TEAD1: variants seen among roughly 807,000 people sequenced by gnomAD.
TEAD1 encodes the protein transcriptional enhancer factor TEF-1.
Under a neutral mutation model 54.9 loss-of-function variants are expected in TEAD1, and 9 were observed. That is an observed-to-expected ratio of 0.16 (90% CI 0.10 to 0.29). The LOEUF is 0.29. Ranked by LOEUF, TEAD1 falls within the 10% of genes least tolerant of loss-of-function variation. TEAD1 has a pLI of 1.00. For synonymous variants in TEAD1, 200 were observed against 187.8 expected (o/e 1.07, Z -0.53); for missense variants, 387 against 535.9 (o/e 0.72, Z 2.74).
intron 3 of TEAD1, among the ~76,000 whole-genome samples, chr11:12,814,907 C>A (rs1946385070): frequency 6.6e-6 from 1 of 151,406 alleles, no homozygotes; most frequent in South Asian, 2.1e-4. Flanking sequence ...GCGCACGCAC[C>A]CATCAGTGAA....
At chr11:12,817,410 T>G (rs1225228998) in intron 3 of TEAD1, among the ~76,000 whole-genome samples, 2 of 152,196 alleles carry the variant, frequency 1.3e-5, no homozygotes, top group Non-Finnish European at 1.5e-5. Flanking sequence ...AATTCCCAAC[T>G]TGTTGATCTG....
intron 4 of TEAD1, among the ~76,000 whole-genome samples, chr11:12,863,101 C>G (rs1364053190): frequency 3.3e-5 from 5 of 152,116 alleles, no homozygotes; most frequent in Non-Finnish European, 5.9e-5. Flanking sequence ...TCGATTTATG[C>G]TGAATGATAC....
chr11:12,697,125 C>A (rs559634998), intron 2 of TEAD1, among the ~76,000 whole-genome samples: 1 of 152,256 alleles, frequency 6.6e-6, no homozygotes, highest in Non-Finnish European at 1.5e-5. Context: ...CCAGGTGTGT[C>A]ATTAGACCTG....
At chr11:12,739,317 AT>A (rs1944604250) in intron 2 of TEAD1, among the ~76,000 whole-genome samples, 1 of 152,156 alleles carries the variant, frequency 6.6e-6, no homozygotes, top group Non-Finnish European at 1.5e-5. Flanking sequence ...TACCATCTTC[AT>A]TTTTAAGTGT....
chr11:12,887,160 G>A (rs1245902804), intron 9 of TEAD1, among the ~76,000 whole-genome samples: 4 of 147,730 alleles, frequency 2.7e-5, no homozygotes, highest in Admixed American at 2.7e-4. Context: ...GCGGTGGCGC[G>A]ATCTTGGCTC....
intron 3 of TEAD1, among the ~76,000 whole-genome samples, chr11:12,832,803 C>T (rs1026069617): frequency 3.9e-5 from 6 of 152,238 alleles, no homozygotes; most frequent in Admixed American, 2.0e-4. Flanking sequence ...GTTTCCATCT[C>T]GTTCAAACAC....
At chr11:12,676,568 T>C (rs1348267409) in intron 2 of TEAD1, among the ~76,000 whole-genome samples, 1 of 152,248 alleles carries the variant, frequency 6.6e-6, no homozygotes, top group South Asian at 2.1e-4. Flanking sequence ...TTACAAGGAC[T>C]AGACTTAAAT....
chr11:12,934,821 C>A (rs1261192702), intron 12 of TEAD1, among the ~76,000 whole-genome samples: 1 of 152,068 alleles, frequency 6.6e-6, no homozygotes, highest in African/African-American at 2.4e-5. Flanking sequence ...AAACCCAGCA[C>A]TTGTCACGTA....
At chr11:12,844,071 A>G (rs1947092234) in intron 3 of TEAD1, among the ~76,000 whole-genome samples, 1 of 152,234 alleles carries the variant, frequency 6.6e-6, no homozygotes, top group African/African-American at 2.4e-5. Context: ...GAATTTATAT[A>G]AACTGTAAAG....
chr11:12,861,307 G>A (rs1947496145), intron 3 of TEAD1, among the ~76,000 whole-genome samples: 1 of 152,172 alleles, frequency 6.6e-6, no homozygotes, highest in Non-Finnish European at 1.5e-5. Flanking sequence ...GTTTCCTGGT[G>A]GGATAGGGCT....
intron 3 of TEAD1, among the ~76,000 whole-genome samples, chr11:12,813,930 TG>T (rs1332572984): frequency 6.6e-6 from 1 of 152,096 alleles, no homozygotes; most frequent in Non-Finnish European, 1.5e-5. Context: ...AGCTCTCTCT[TG>T]GACATGGTTG....
intron 2 of TEAD1, among the ~76,000 whole-genome samples, chr11:12,743,004 G>C (rs1944676194): frequency 6.6e-6 from 1 of 152,216 alleles, no homozygotes; most frequent in South Asian, 2.1e-4. Flanking sequence ...GGGCTGGGCA[G>C]TGCTGTAATA....
At chr11:12,875,105 C>T (rs935165128) in intron 5 of TEAD1, among the ~76,000 whole-genome samples, 1 of 152,190 alleles carries the variant, frequency 6.6e-6, no homozygotes, top group African/African-American at 2.4e-5. Flanking sequence ...ACAATGTGCT[C>T]ACCTTTGTAA....
intron 5 of TEAD1, 178 bp downstream of exon 5, chr11:12,865,078 T>A: frequency 2.7e-6 from 2 of 736,750 alleles, no homozygotes; most frequent in South Asian, 3.0e-5. Context: ...CACATTAAAC[T>A]CAATGTGTGT....
intron 10 of TEAD1, among the ~76,000 whole-genome samples, chr11:12,907,738 A>G (rs776088448): frequency 2.6e-5 from 4 of 152,240 alleles, no homozygotes; most frequent in Non-Finnish European, 4.4e-5. Flanking sequence ...GATGAGTCCC[A>G]CTTCACACAT....
chr11:12,922,192 CTT>C (rs756723520), intron 10 of TEAD1, among the ~76,000 whole-genome samples: 3 of 94,500 alleles, frequency 3.2e-5, no homozygotes, highest in African/African-American at 8.6e-5. Flanking sequence ...ACATGGTTCT[CTT>C]TTTTTTTTTT....
At position 12,837,681 on chromosome 11, in the gene TEAD1, TTTCTCCC is replaced by T. The variant is rs145222171; in HGVS notation, c.203-24541_203-24535del. On this transcript the variant is annotated intron_variant, in intron 3 of 12. Transcript: ENST00000527636. Reference sequence around the variant, plus strand: ...TCTCCTTCTTCTTCCTTCTTCCTTCTTTCTCCCTTCTCCCTTCTCCCTTCTCCCTTCT... The same window carrying T: ...TCTCCTTCTTCTTCCTTCTTCCTTCTTTCTCCCTTCTCCCTTCTCCCTTCT... Among the ~76,000 whole-genome samples, 97 of 83,044 alleles carry T rather than the reference TTTCTCCC, an allele frequency of 1.2e-3. 1 individual carries two copies. The highest frequency in any genetic ancestry group is 3.3e-3 in the African/African-American group (86 of 26,084). The allele number at this position is 83,044 out of a possible 152,430, so 54.5% of individuals were successfully genotyped here. A position where few individuals can be genotyped will look rare whatever the true frequency, so the allele number is the denominator to read the frequency against.
chr11:12,756,308 C>G (rs911524741), intron 2 of TEAD1, among the ~76,000 whole-genome samples: 2 of 152,184 alleles, frequency 1.3e-5, no homozygotes, highest in Non-Finnish European at 2.9e-5. Context: ...CATGTTGCCT[C>G]AGTTCTCAGC....
intron 2 of TEAD1, among the ~76,000 whole-genome samples, chr11:12,684,012 CA>C (rs1943279506): frequency 6.6e-6 from 1 of 152,144 alleles, no homozygotes; most frequent in Non-Finnish European, 1.5e-5. Flanking sequence ...ATAGCAACTT[CA>C]AATGTCATGT....
Sources: gnomAD v4.1 joint callset for allele counts (sites outside exome capture counted in the v4.1 genomes callset) on GRCh38, gnomAD v4.1.1 for gene constraint, MANE v1.5 for transcripts, NCBI Gene and HGNC (gene_info 2026-07-23, HGNC 2026-07-21) for gene names.